Variants in METTL15 observed in about 807,000 individuals in gnomAD.
The protein encoded by METTL15 is methyltransferase 15, mitochondrial 12S rRNA N4-cytidine.
In METTL15, 34 loss-of-function variants were observed where a neutral mutation model predicts 38.3. The observed-to-expected ratio is 0.89, with a 90% CI of 0.68 to 1.18. The LOEUF is 1.18. METTL15 is among the 50% of genes most tolerant of loss of function. The pLI, the probability that METTL15 is intolerant of heterozygous loss-of-function variation, is 0.00. For synonymous variants in METTL15, 162 were observed against 170.9 expected, an observed-to-expected ratio of 0.95 and a Z score of 0.41; for missense variants, 438 against 498.4, an observed-to-expected ratio of 0.88 and a Z score of 1.15.
chr11:28,162,017 A>AT, intron 3 of METTL15, among the ~76,000 whole-genome samples: 1 of 152,342 alleles, frequency 6.6e-6, no homozygotes, highest in Admixed American at 6.5e-5. Flanking sequence ...TGTTTATTAT[A>AT]TACCGGGCAC....
chr11:28,518,511 A>G (rs953620234), intron 6 of METTL15, among the ~76,000 whole-genome samples: 1 of 152,218 alleles, frequency 6.6e-6, no homozygotes, highest in African/African-American at 2.4e-5. Flanking sequence ...AGGAATGTCT[A>G]TAAGCATAAT....
At chr11:28,408,168 G>T (rs1219186066) in intron 5 of METTL15, among the ~76,000 whole-genome samples, 1 of 152,094 alleles carries the variant, frequency 6.6e-6, no homozygotes, top group Non-Finnish European at 1.5e-5. Context: ...TCAGGGGGTG[G>T]GGTGGGGGAA....
intron 3 of METTL15, among the ~76,000 whole-genome samples, chr11:28,349,377 T>G (rs1383115051): frequency 1.3e-5 from 2 of 152,210 alleles, no homozygotes; most frequent in Non-Finnish European, 2.9e-5. Flanking sequence ...GCAGGCTACC[T>G]TTTCCGGCCT....
intron 6 of METTL15, among the ~76,000 whole-genome samples, chr11:28,523,602 T>C (rs1487750943): frequency 2.0e-5 from 3 of 152,222 alleles, no homozygotes; most frequent in Admixed American, 2.0e-4. Context: ...ATAACTAATA[T>C]AGAAACTAAT....
intron 4 of METTL15, among the ~76,000 whole-genome samples, chr11:28,228,125 G>C (rs1288692488): frequency 6.6e-6 from 1 of 151,858 alleles, no homozygotes; most frequent in Non-Finnish European, 1.5e-5. Context: ...AAGTCCAGCA[G>C]TATATTTTTA....
intron 6 of METTL15, among the ~76,000 whole-genome samples, chr11:28,485,449 G>T (rs192946954): frequency 6.6e-6 from 1 of 152,012 alleles, no homozygotes; most frequent in Admixed American, 6.6e-5. Flanking sequence ...AAACCAAATC[G>T]CTAAGAAGAG....
At chr11:28,210,728 A>G (rs565274988) in intron 3 of METTL15, among the ~76,000 whole-genome samples, 2 of 152,138 alleles carry the variant, frequency 1.3e-5, no homozygotes, top group Admixed American at 6.6e-5. Flanking sequence ...TGAAAATGTT[A>G]TTACCAGCTG....
intron 5 of METTL15, among the ~76,000 whole-genome samples, chr11:28,389,646 G>C (rs1178681411): frequency 6.6e-6 from 1 of 151,864 alleles, no homozygotes; most frequent in East Asian, 1.9e-4. Flanking sequence ...GGGCATTTGG[G>C]TTGGTTCCAG....
At chr11:28,223,580 T>A (rs948336378) in intron 4 of METTL15, among the ~76,000 whole-genome samples, 7 of 152,184 alleles carry the variant, frequency 4.6e-5, no homozygotes, top group African/African-American at 1.7e-4. Context: ...TTTTTTCTTT[T>A]ATTTATTTTG....
intron 6 of METTL15, among the ~76,000 whole-genome samples, chr11:28,430,935 C>A (rs1218412713): frequency 3.7e-5 from 4 of 109,112 alleles, no homozygotes; most frequent in Admixed American, 9.1e-5. Context: ...CCAGCCGCCC[C>A]GTCCGGGAGG....
chr11:28,487,967 A>G (rs1851451931), intron 6 of METTL15, among the ~76,000 whole-genome samples: 1 of 152,216 alleles, frequency 6.6e-6, no homozygotes, highest in African/African-American at 2.4e-5. Flanking sequence ...TTTGGGTACA[A>G]TAGAGAATTG....
intron 6 of METTL15, among the ~76,000 whole-genome samples, chr11:28,303,333 A>G (rs1038795611): frequency 2.0e-5 from 3 of 152,190 alleles, no homozygotes; most frequent in Non-Finnish European, 4.4e-5. Context: ...TTCTTTAGTA[A>G]ACATAACCAT....
intron 3 of METTL15, among the ~76,000 whole-genome samples, chr11:28,350,136 T>C (rs1265028319): frequency 6.6e-6 from 1 of 152,134 alleles, no homozygotes; most frequent in Non-Finnish European, 1.5e-5. Context: ...TGCTATGTGC[T>C]CTAGGGCCTG....
At chr11:28,244,925 T>A (rs141679151) in intron 4 of METTL15, among the ~76,000 whole-genome samples, 1 of 152,190 alleles carries the variant, frequency 6.6e-6, no homozygotes, top group Non-Finnish European at 1.5e-5. Flanking sequence ...TTTGGTAATA[T>A]CTTCTATTGG....
chr11:28,276,133 T>C (rs1371241438), intron 4 of METTL15, among the ~76,000 whole-genome samples: 1 of 151,840 alleles, frequency 6.6e-6, no homozygotes, highest in African/African-American at 2.4e-5. Context: ...GTCATCCAAA[T>C]GGGAAAAAAG....
intron 5 of METTL15, among the ~76,000 whole-genome samples, chr11:28,373,393 G>C (rs1256461984): frequency 2.0e-5 from 3 of 151,980 alleles, no homozygotes; most frequent in African/African-American, 7.2e-5. Flanking sequence ...ATTTTTTCAT[G>C]TGTTTTTTGG....
At chr11:28,482,960 T>C (rs1019834977) in intron 6 of METTL15, among the ~76,000 whole-genome samples, 2 of 152,058 alleles carry the variant, frequency 1.3e-5, no homozygotes, top group African/African-American at 4.8e-5. Context: ...CTGACCACTG[T>C]GGGACACAAT....
chr11:28,450,145 A>G (rs767528278), intron 6 of METTL15, among the ~76,000 whole-genome samples: 6 of 152,236 alleles, frequency 3.9e-5, no homozygotes, highest in Non-Finnish European at 8.8e-5. Flanking sequence ...CTCATCCACC[A>G]AACAACTTAC....
chr11:28,343,934 C>G (rs949839378), intron 3 of METTL15, among the ~76,000 whole-genome samples: 43 of 152,204 alleles, frequency 2.8e-4, no homozygotes, highest in African/African-American at 9.9e-4. Context: ...ACTATGACAG[C>G]CCAAAGAAAT....
Sources: gnomAD v4.1 joint callset for allele counts (sites outside exome capture counted in the v4.1 genomes callset) on GRCh38, gnomAD v4.1.1 for gene constraint, MANE v1.5 for transcripts, NCBI Gene and HGNC (gene_info 2026-07-23, HGNC 2026-07-21) for gene names.